The following OGFOD1 variants were observed in gnomAD, a reference collection of about 807,000 sequenced individuals.
The protein encoded by OGFOD1 is prolyl 3-hydroxylase OGFOD1.
OGFOD1 carries 54 observed loss-of-function variants against 67.7 expected under a neutral mutation model. The ratio of observed to expected loss-of-function variants is 0.80; its 90% CI spans 0.64 to 1.00. The LOEUF (loss-of-function observed/expected upper bound fraction) is 1.00. Among genes scored for constraint, OGFOD1 ranks in the 50% least tolerant of loss-of-function variants. OGFOD1 has a pLI of 0.00. For synonymous variants in OGFOD1, 221 were observed against 227.0 expected (o/e 0.97, Z 0.24); for missense variants, 606 against 646.7 (o/e 0.94, Z 0.68).
Position 56,470,651 on chromosome 16 carries a change from C to T in OGFOD1, c.1145C>T (p.Ala382Val). ...EEDEMNDKKE[A>V]ETTDITEEGT... ...GATGAGATGAATGATAAAAAAGAGG[C>T]AGAAACCACTGATATCACTGAAGAA... is the stretch of plus-strand genomic sequence containing the variant. Residue 382 changes from alanine (A) to valine (V), a missense_variant, in exon 10 of 13, where the codon GCA (alanine) becomes GTA (valine). Physicochemically the swap from Ala to Val is moderately conservative, Grantham distance 64. Coordinates refer to ENST00000566157, the MANE Select transcript of OGFOD1 (RefSeq NM_018233.4). The T allele has an allele frequency of 4.3e-6, 7 of 1,614,138 alleles. No homozygotes were observed. The highest frequency in any genetic ancestry group is 5.9e-6 in the Non-Finnish European group (7 of 1,180,030).
chr16:56,466,727 G>A (rs1460799246), intron 5 of OGFOD1, 149 bp from the exon 6 acceptor site: 1 of 679,340 alleles, frequency 1.5e-6, no homozygotes. Context: ...AAACTCGCAA[G>A]TATGAGTGAA....
At chr16:56,462,455 G>T in intron 3 of OGFOD1, 79 bp from the exon 4 acceptor site, 1 of 806,584 alleles carries the variant, frequency 1.2e-6, no homozygotes, top group South Asian at 1.4e-5. Flanking sequence ...GGAAAGAAAA[G>T]TTGTGGCCTA....
At chr16:56,455,720 T>C (rs893092132) in intron 2 of OGFOD1, among the ~76,000 whole-genome samples, 2 of 152,238 alleles carry the variant, frequency 1.3e-5, no homozygotes, top group African/African-American at 4.8e-5. Context: ...CAAGCATTAT[T>C]GAGTGCATAC....
chr16:56,472,342 T>C (rs1963237655), intron 10 of OGFOD1, among the ~76,000 whole-genome samples: 1 of 152,192 alleles, frequency 6.6e-6, no homozygotes, highest in Non-Finnish European at 1.5e-5. Context: ...AAAATCTATA[T>C]GGGCAGCCAA....
chr16:56,451,913 C>T, intron 1 of OGFOD1, 147 bp downstream of exon 1: 4 of 830,656 alleles, frequency 4.8e-6, no homozygotes, highest in Non-Finnish European at 7.2e-6. Context: ...TCTCCTGCCT[C>T]GGCTGCTGCT....
Position 56,465,833 on chromosome 16 carries a change from T to G in OGFOD1, c.449-319T>G, listed in dbSNP as rs1453588891. 1.3e-5 allele frequency: 3 copies of G among 228,330 alleles called. No individual in the cohort carries two copies. The South Asian group carries it at 1.8e-4, about 14-fold the overall frequency. 14.1% of individuals were successfully genotyped at this position (228,330 alleles called of 1,614,324 possible). A position where few individuals can be genotyped will look rare whatever the true frequency, so the allele number is the denominator to read the frequency against. ...TGTAATTTAAAAAGCAGGCCACAAA[T>G]AGACACTGTCGGATGCTATTTTTTT... On this transcript the variant is annotated intron_variant, in intron 4 of 12. Coordinates refer to ENST00000566157, the MANE Select transcript of OGFOD1 (RefSeq NM_018233.4).
rs1963483238 is a variant in OGFOD1 at position 56,476,486 on chromosome 16, T to A, written c.*281T>A. 1 of 242,796 alleles carries A rather than the reference T, an allele frequency of 4.1e-6. No homozygotes were observed. The highest frequency in any genetic ancestry group is 5.4e-5 in the Admixed American group (1 of 18,492). The allele number at this position is 242,796 out of a possible 1,614,324, so 15.0% of individuals were successfully genotyped here. A position where few individuals can be genotyped will look rare whatever the true frequency, so the allele number is the denominator to read the frequency against. ...TTCTTCAGTGAATTTTTAAGTTCAATTTGTTTTTATTGAGGTAAAATATTT... is the reference window on the plus strand; with the variant it reads ...TTCTTCAGTGAATTTTTAAGTTCAAATTGTTTTTATTGAGGTAAAATATTT... On this transcript the variant is annotated 3_prime_UTR_variant, in exon 13 of 13. Coordinates refer to ENST00000566157, the MANE Select transcript of OGFOD1 (RefSeq NM_018233.4).
rs527275031 is a variant in OGFOD1, at chr16:56,461,824, T to C, written c.348-710T>C. 2.0e-5 allele frequency among the ~76,000 whole-genome samples: 3 copies of C among 152,222 alleles called. No homozygotes were observed. In the South Asian group the frequency reaches 6.2e-4, roughly 32 times the overall value. ...AAGAAAAACAGTTGAGGCCAGGTGC[T>C]GTGGCTCATGCCTATAATCCCAGCA... On this transcript the variant is annotated intron_variant, in intron 3 of 12. Transcript: ENST00000566157.
At chr16:56,454,757 T>G (rs377583053) in intron 2 of OGFOD1, 42 of 441,518 alleles carry the variant, frequency 9.5e-5, no homozygotes, top group East Asian at 8.0e-4. Context: ...TTTCTCTCTC[T>G]TATTCTTTTA....
intron 2 of OGFOD1, among the ~76,000 whole-genome samples, chr16:56,457,151 G>C (rs1447374092): frequency 1.3e-5 from 2 of 152,206 alleles, no homozygotes; most frequent in Admixed American, 6.5e-5. Context: ...GTTCATAGCA[G>C]CTTTATAATT....
intron 2 of OGFOD1, 159 bp from the exon 3 acceptor site, chr16:56,458,389 C>T (rs1224771794): frequency 1.5e-6 from 1 of 677,680 alleles, no homozygotes; most frequent in African/African-American, 1.8e-5. Context: ...GTCACAGACC[C>T]ATCCAATGGA....
At position 56,478,444 on chromosome 16, in the gene OGFOD1, T is replaced by A. The variant is rs1242280653; in HGVS notation, c.*2239T>A. 1 of 152,248 alleles carries A rather than the reference T, an allele frequency of 6.6e-6. No homozygotes were observed. The highest frequency in any genetic ancestry group is 1.5e-5 in the Non-Finnish European group (1 of 68,046). The allele number at this position is 152,248 out of a possible 1,614,324, so 9.4% of individuals were successfully genotyped here. A position where few individuals can be genotyped will look rare whatever the true frequency, so the allele number is the denominator to read the frequency against. Reference sequence around the variant, plus strand: ...GATTGCGAATACTGTTACTAATGGTTAATGTCACAGCTTGCCTTTTCTATA... The same window carrying A: ...GATTGCGAATACTGTTACTAATGGTAAATGTCACAGCTTGCCTTTTCTATA... On this transcript the variant is annotated 3_prime_UTR_variant, in exon 13 of 13. Transcript: ENST00000566157.
chr16:56,476,178 G>A lies in OGFOD1; in HGVS notation c.1602G>A (p.Trp534Ter), dbSNP rs1335603063. Residue 534 changes from tryptophan to a stop codon, truncating the protein, a stop_gained, in exon 13 of 13, where the codon TGG (tryptophan) becomes TGA (stop). Transcript: ENST00000566157. LOFTEE classifies it high-confidence loss of function. ...CCTTCCCAAACAGAACAGGTTTCTG[G>A]GACTTTTCATTCATCTATTATGAAT... Reference protein sequence around the residue: ...KKTFPNRTGFWDFSFIYYE With the variant: ...KKTFPNRTGF 1.9e-6 allele frequency: 3 copies of A among 1,612,142 alleles called. No homozygotes were observed. Among genetic ancestry groups the A allele is most frequent in the African/African-American group, 2.7e-5 (2 of 74,764 alleles).
At chr16:56,462,698 G>C in intron 4 of OGFOD1, 64 bp downstream of exon 4, 1 of 952,752 alleles carries the variant, frequency 1.0e-6, no homozygotes, top group Non-Finnish European at 1.7e-6. Flanking sequence ...TTAATGGAGA[G>C]ATGGTATCTG....
Position 56,478,120 on chromosome 16 carries a change from T to C in OGFOD1, c.*1915T>C, listed in dbSNP as rs925774289. On this transcript the variant is annotated 3_prime_UTR_variant, in exon 13 of 13. Coordinates refer to ENST00000566157, the MANE Select transcript of OGFOD1 (RefSeq NM_018233.4). ...CTAACATTGTCTTCCCCTATGCATA[T>C]GGTAACGAACCATTTTACACCATAC... 2.6e-5 allele frequency: 4 copies of C among 152,208 alleles called. No individual in the cohort carries two copies. The highest frequency in any genetic ancestry group is 5.9e-5 in the Non-Finnish European group (4 of 68,038). 9.4% of individuals were successfully genotyped at this position (152,208 alleles called of 1,614,324 possible). A position where few individuals can be genotyped will look rare whatever the true frequency, so the allele number is the denominator to read the frequency against.
intron 2 of OGFOD1, among the ~76,000 whole-genome samples, chr16:56,455,163 G>C (rs542842361): frequency 2.1e-4 from 32 of 152,190 alleles, no homozygotes; most frequent in African/African-American, 7.0e-4. Flanking sequence ...GTCAGGAGAT[G>C]GAGACCATCC....
intron 10 of OGFOD1, among the ~76,000 whole-genome samples, chr16:56,473,911 A>G (rs1963326547): frequency 6.6e-6 from 1 of 151,878 alleles, no homozygotes; most frequent in Non-Finnish European, 1.5e-5. Flanking sequence ...GGTTCAAGCG[A>G]TTCTCATGCC....
chr16:56,471,961 T>TTGTG (rs1963211926), intron 10 of OGFOD1, among the ~76,000 whole-genome samples: 1 of 152,062 alleles, frequency 6.6e-6, no homozygotes, highest in South Asian at 2.1e-4. Flanking sequence ...TTCTGTTTGT[T>TTGTG]TGTTTGTTTG....
chr16:56,478,404 G>A lies in OGFOD1; in HGVS notation c.*2199G>A, dbSNP rs1471393060. On this transcript the variant is annotated 3_prime_UTR_variant, in exon 13 of 13. Transcript: ENST00000566157. ...ACCACAATTTTTTAACCACAGTGTA[G>A]CAACACTCAAGTGGGATTGCGAATA... is the stretch of plus-strand genomic sequence containing the variant. 1.3e-5 allele frequency: 2 copies of A among 152,160 alleles called. No individual in the cohort carries two copies. Among genetic ancestry groups the A allele is most frequent in the African/African-American group, 2.4e-5 (1 of 41,438 alleles). The allele number at this position is 152,160 out of a possible 1,614,324, so 9.4% of individuals were successfully genotyped here. A position where few individuals can be genotyped will look rare whatever the true frequency, so the allele number is the denominator to read the frequency against.
Sources: gnomAD v4.1 joint callset for allele counts (sites outside exome capture counted in the v4.1 genomes callset) on GRCh38, gnomAD v4.1.1 for gene constraint, MANE v1.5 for transcripts, NCBI Gene and HGNC (gene_info 2026-07-23, HGNC 2026-07-21) for gene names.